The following GALNT14 variants were observed in gnomAD, a reference collection of about 807,000 sequenced individuals.
GALNT14 encodes the protein polypeptide N-acetylgalactosaminyltransferase 14.
GALNT14 carries 60 observed loss-of-function variants against 77.5 expected under a neutral mutation model. The ratio of observed to expected loss-of-function variants is 0.77; its 90% CI spans 0.63 to 0.96. The LOEUF (loss-of-function observed/expected upper bound fraction) is 0.96. GALNT14 is among the 40% of genes least tolerant of loss of function. The probability of loss-of-function intolerance (pLI) is 0.00; values close to 1 mark genes in which losing one functional copy is unlikely to be tolerated. For synonymous variants in GALNT14, 280 were observed against 281.7 expected, an observed-to-expected ratio of 0.99 and a Z score of 0.06; for missense variants, 710 against 731.0, an observed-to-expected ratio of 0.97 and a Z score of 0.33.
chr2:31,021,287 G>T (rs1472309158), intron 1 of GALNT14, among the ~76,000 whole-genome samples: 1 of 152,086 alleles, frequency 6.6e-6, no homozygotes, highest in Non-Finnish European at 1.5e-5. Context: ...CCTGCCAGCT[G>T]TTTTTTCTTT....
intron 2 of GALNT14, among the ~76,000 whole-genome samples, chr2:30,986,388 C>G (rs919364763): frequency 6.6e-5 from 10 of 152,180 alleles, no homozygotes; most frequent in African/African-American, 2.4e-4. Flanking sequence ...AATATTCCCT[C>G]CCTCCTGGAG....
intron 1 of GALNT14, among the ~76,000 whole-genome samples, chr2:31,088,583 C>A (rs1044498632): frequency 2.6e-5 from 4 of 152,208 alleles, no homozygotes; most frequent in Non-Finnish European, 5.9e-5. Context: ...ATCTGTGGAA[C>A]TCTAACGAAC....
intron 1 of GALNT14, among the ~76,000 whole-genome samples, chr2:31,008,530 C>A (rs1297089996): frequency 6.6e-6 from 1 of 152,170 alleles, no homozygotes; most frequent in African/African-American, 2.4e-5. Flanking sequence ...TGGCTCCCCC[C>A]AGCCTTGCTG....
At position 30,958,806 on chromosome 2, in the gene GALNT14, C is replaced by T. The variant is rs372135389; in HGVS notation, c.399-342G>A. ...CACTTTCACTTCTTATATCTCTCCC[C>T]TGATTTAACCTCTTCTGTCTAGTTT... On this transcript the variant is annotated intron_variant, in intron 3 of 14. Coordinates refer to ENST00000349752, the MANE Select transcript of GALNT14 (RefSeq NM_024572.4). Among the ~76,000 whole-genome samples, 8 of 152,310 alleles carry T rather than the reference C, an allele frequency of 5.3e-5. No individual in the cohort carries two copies. In the South Asian group the frequency reaches 1.5e-3, roughly 28 times the overall value.
intron 3 of GALNT14, among the ~76,000 whole-genome samples, chr2:30,962,503 G>T (rs1345549383): frequency 6.6e-6 from 1 of 152,248 alleles, no homozygotes; most frequent in African/African-American, 2.4e-5. Context: ...CAAAAGGAAG[G>T]TGACAGCGCT....
chr2:30,949,495 C>T (rs1349201762), intron 6 of GALNT14, among the ~76,000 whole-genome samples: 4 of 152,124 alleles, frequency 2.6e-5, no homozygotes, highest in Admixed American at 6.5e-5. Context: ...GGAACCCTTG[C>T]AGATCCTGGA....
chr2:30,966,824 C>G (rs930971874), intron 2 of GALNT14, among the ~76,000 whole-genome samples: 4 of 152,148 alleles, frequency 2.6e-5, no homozygotes, highest in Non-Finnish European at 5.9e-5. Context: ...AGAGGCAGAG[C>G]CCCAAACCCT....
the GALNT14 span, among the ~76,000 whole-genome samples, chr2:30,893,274 G>GAA: frequency 6.6e-6 from 1 of 151,732 alleles, no homozygotes; most frequent in Non-Finnish European, 1.5e-5. Context: ...GGCTCTTAAG[G>GAA]AAAAGAAAAA....
At position 31,079,011 on chromosome 2, in the gene GALNT14, T is replaced by C. The variant is rs143001460; in HGVS notation, c.129+58947A>G. The C allele has an allele frequency of 1.6e-4, 208 of 1,287,730 alleles. 1 individual carries two copies. In the African/African-American group the frequency reaches 3.0e-3, roughly 19 times the overall value. The allele number at this position is 1,287,730 out of a possible 1,614,324, so 79.8% of individuals were successfully genotyped here. On this transcript the variant is annotated intron_variant, in intron 1 of 14. Coordinates refer to ENST00000349752, the MANE Select transcript of GALNT14 (RefSeq NM_024572.4). ...GGGGAGCTACAGTGGGCTGCTGAAA[T>C]TGCATTCAGAACGAAATGGGTAGGC...
At position 31,043,060 on chromosome 2, in the gene GALNT14, A is replaced by G. The variant is rs184147586; in HGVS notation, c.130-50053T>C. On this transcript the variant is annotated intron_variant, in intron 1 of 14. Transcript: ENST00000349752. ...TTCTCCCCTTTCTCCTCATCCCAGC[A>G]CACTCCACTTTGGCTATACCTGACC... Among the ~76,000 whole-genome samples, 745 of 152,170 alleles carry G rather than the reference A, an allele frequency of 4.9e-3. 6 individuals are homozygous for G. Among genetic ancestry groups the G allele is most frequent in the African/African-American group, 0.017 (711 of 41,506 alleles).
At chr2:31,001,244 C>G (rs1670352876) in intron 1 of GALNT14, among the ~76,000 whole-genome samples, 1 of 151,966 alleles carries the variant, frequency 6.6e-6, no homozygotes, top group Non-Finnish European at 1.5e-5. Context: ...ACTCTTCATG[C>G]TAAACCATAA....
At chr2:30,940,321 C>T (rs1054002209) in intron 9 of GALNT14, among the ~76,000 whole-genome samples, 1 of 152,170 alleles carries the variant, frequency 6.6e-6, no homozygotes, top group Non-Finnish European at 1.5e-5. Context: ...CCAAAATGGA[C>T]CAGACTGTGC....
chr2:30,915,873 T>TG (rs1664648641), intron 13 of GALNT14, among the ~76,000 whole-genome samples: 1 of 152,218 alleles, frequency 6.6e-6, no homozygotes, highest in African/African-American at 2.4e-5. Context: ...AAAGCTTATA[T>TG]GTAACAAAAG....
intron 1 of GALNT14, 83 bp downstream of exon 1, chr2:31,137,875 C>A: frequency 6.6e-7 from 1 of 1,515,142 alleles, no homozygotes; most frequent in Non-Finnish European, 8.9e-7. Context: ...CCTGGTTTCC[C>A]GGGAGCCCGC....
chr2:31,121,608 T>C (rs1678418031), intron 1 of GALNT14, among the ~76,000 whole-genome samples: 1 of 152,120 alleles, frequency 6.6e-6, no homozygotes, highest in Non-Finnish European at 1.5e-5. Flanking sequence ...TATTCATCTC[T>C]AGTCACTCAT....
intron 1 of GALNT14, among the ~76,000 whole-genome samples, chr2:31,002,254 AC>A (rs1275861609): frequency 6.6e-6 from 1 of 151,976 alleles, no homozygotes; most frequent in African/African-American, 2.4e-5. Flanking sequence ...ACATGGTGAA[AC>A]CCCATCTCTA....
At chr2:30,906,822 C>G (rs932175990), downstream of GALNT14, among the ~76,000 whole-genome samples, 1 of 152,230 alleles carries the variant, frequency 6.6e-6, no homozygotes. Context: ...AAGCTCTCCT[C>G]AGCAGATGTA....
intron 1 of GALNT14, among the ~76,000 whole-genome samples, chr2:31,046,891 CA>C (rs1487971273): frequency 2.0e-5 from 3 of 152,186 alleles, no homozygotes; most frequent in Non-Finnish European, 4.4e-5. Flanking sequence ...TCACATCTAT[CA>C]GCTCATTCAG....
At chr2:31,079,789 C>T (rs936990158) in intron 1 of GALNT14, among the ~76,000 whole-genome samples, 3 of 152,188 alleles carry the variant, frequency 2.0e-5, no homozygotes, top group African/African-American at 4.8e-5. Context: ...GGTCCTACAA[C>T]CCAACACGGG....
Sources: gnomAD v4.1 joint callset for allele counts (sites outside exome capture counted in the v4.1 genomes callset) on GRCh38, gnomAD v4.1.1 for gene constraint, MANE v1.5 for transcripts, NCBI Gene and HGNC (gene_info 2026-07-23, HGNC 2026-07-21) for gene names.